The following CAMTA1 variants were observed in gnomAD, a reference collection of about 807,000 sequenced individuals.
CAMTA1 encodes the protein calmodulin-binding transcription activator 1.
Under a neutral mutation model 170.9 loss-of-function variants are expected in CAMTA1, and 27 were observed. That is an observed-to-expected ratio of 0.16 (90% CI 0.12 to 0.22). The LOEUF is 0.22. Among genes scored for constraint, CAMTA1 ranks in the 10% least tolerant of loss-of-function variants. The pLI, the probability that CAMTA1 is intolerant of heterozygous loss-of-function variation, is 1.00. For missense variants in CAMTA1, 1,619 were observed against 2,217.2 expected (o/e 0.73, Z 5.42); for synonymous variants, 833 against 891.5 (o/e 0.93, Z 1.17).
chr1:7,076,806 C>G (rs912247500), intron 3 of CAMTA1, among the ~76,000 whole-genome samples: 2 of 152,126 alleles, frequency 1.3e-5, no homozygotes, highest in Non-Finnish European at 2.9e-5. Flanking sequence ...ATGTTAAGGT[C>G]TTCTGAGACC....
intron 5 of CAMTA1, among the ~76,000 whole-genome samples, chr1:7,297,087 AT>A (rs1574500896): frequency 6.6e-6 from 1 of 152,232 alleles, no homozygotes; most frequent in East Asian, 1.9e-4. Context: ...AAATGTCCTA[AT>A]TTTGCAAAAA....
At chr1:7,385,065 C>T (rs2087776672) in intron 5 of CAMTA1, among the ~76,000 whole-genome samples, 2 of 150,742 alleles carry the variant, frequency 1.3e-5, no homozygotes, top group Non-Finnish European at 2.9e-5. Flanking sequence ...TCCTATGCCC[C>T]CTGCCCATCC....
At chr1:7,319,376 A>G (rs574716520) in intron 5 of CAMTA1, among the ~76,000 whole-genome samples, 32 of 152,232 alleles carry the variant, frequency 2.1e-4, no homozygotes, top group African/African-American at 7.2e-4. Context: ...GTGAGTTCTC[A>G]TGAGATCTGG....
intron 6 of CAMTA1, among the ~76,000 whole-genome samples, chr1:7,597,135 G>A (rs1046848945): frequency 6.6e-6 from 1 of 152,078 alleles, no homozygotes; most frequent in East Asian, 1.9e-4. Context: ...CAGTGGACAC[G>A]AGCCCACTGA....
chr1:6,882,190 G>C (rs986036608), intron 3 of CAMTA1, among the ~76,000 whole-genome samples: 2 of 152,116 alleles, frequency 1.3e-5, no homozygotes, highest in Non-Finnish European at 2.9e-5. Flanking sequence ...TCAGTGTCCA[G>C]TTCCAGTTCT....
At chr1:7,690,998 G>C (rs2096304397) in intron 11 of CAMTA1, among the ~76,000 whole-genome samples, 1 of 152,200 alleles carries the variant, frequency 6.6e-6, no homozygotes, top group Non-Finnish European at 1.5e-5. Context: ...ATGAGTATCA[G>C]AAGAAATGGA....
At chr1:7,152,412 C>A (rs1334976800) in intron 4 of CAMTA1, among the ~76,000 whole-genome samples, 1 of 152,222 alleles carries the variant, frequency 6.6e-6, no homozygotes, top group Non-Finnish European at 1.5e-5. Context: ...AAGCCCCCAA[C>A]CTTGGGCTCC....
chr1:7,753,272 T>C (rs1304964131), intron 21 of CAMTA1, among the ~76,000 whole-genome samples: 6 of 152,236 alleles, frequency 3.9e-5, no homozygotes, highest in African/African-American at 1.4e-4. Context: ...GCGTCTCTAC[T>C]TAGATTTCAG....
chr1:7,659,894 C>T lies in CAMTA1; in HGVS notation c.665-1832C>T, dbSNP rs552799246. The stretch of plus-strand genomic sequence containing the variant: ...TTCTCCAGGCAGGAACTACTATATG[C>T]CCACTTTACAAGTGAGGAAACTGAG... On this transcript the variant is annotated intron_variant, in intron 7 of 22. Transcript: ENST00000303635. 2.0e-5 allele frequency among the ~76,000 whole-genome samples: 3 copies of T among 152,314 alleles called. 1 individual carries two copies. The highest frequency in any genetic ancestry group is 4.1e-4 in the South Asian group (2 of 4,832).
chr1:7,610,167 G>A (rs145457895), intron 6 of CAMTA1, among the ~76,000 whole-genome samples: 1 of 152,336 alleles, frequency 6.6e-6, no homozygotes, highest in Non-Finnish European at 1.5e-5. Context: ...TCACATGGCA[G>A]TGGCAGCAGC....
At chr1:7,522,144 G>A (rs999955544) in intron 6 of CAMTA1, among the ~76,000 whole-genome samples, 3 of 152,130 alleles carry the variant, frequency 2.0e-5, no homozygotes, top group African/African-American at 7.2e-5. Flanking sequence ...TTTTTTCACG[G>A]CCTCACCAGC....
intron 5 of CAMTA1, among the ~76,000 whole-genome samples, chr1:7,337,748 A>G (rs753464710): frequency 6.6e-6 from 1 of 152,178 alleles, no homozygotes; most frequent in Non-Finnish European, 1.5e-5. Context: ...CCTTGAGAGC[A>G]GACCGAGGTT....
intron 6 of CAMTA1, among the ~76,000 whole-genome samples, chr1:7,544,977 C>T (rs1027574549): frequency 6.6e-6 from 1 of 152,160 alleles, no homozygotes; most frequent in East Asian, 1.9e-4. Context: ...CACATGGCCC[C>T]ACCCCCAACA....
At chr1:7,699,797 A>G (rs931241712) in intron 11 of CAMTA1, among the ~76,000 whole-genome samples, 47 of 152,150 alleles carry the variant, frequency 3.1e-4, no homozygotes, top group African/African-American at 1.1e-3. Context: ...GTTGAGCATT[A>G]TTGATTATTG....
intron 4 of CAMTA1, among the ~76,000 whole-genome samples, chr1:7,134,127 A>G (rs1645414234): frequency 6.6e-6 from 1 of 152,050 alleles, no homozygotes. Flanking sequence ...TTTAGCTCCC[A>G]CTTTTAAGTA....
At chr1:7,549,817 G>A (rs372548184) in intron 6 of CAMTA1, among the ~76,000 whole-genome samples, 19 of 152,182 alleles carry the variant, frequency 1.2e-4, no homozygotes, top group African/African-American at 4.3e-4. Flanking sequence ...GGGTGAGGGC[G>A]GGAGGGTTTC....
intron 4 of CAMTA1, among the ~76,000 whole-genome samples, chr1:7,100,462 G>A (rs76599691): frequency 3.1e-4 from 47 of 152,124 alleles, no homozygotes; most frequent in Non-Finnish European, 5.9e-4. Flanking sequence ...TCTCCTCTTC[G>A]TTTCCTGCTC....
At chr1:7,520,298 G>T (rs2094347648) in intron 6 of CAMTA1, among the ~76,000 whole-genome samples, 1 of 84,798 alleles carries the variant, frequency 1.2e-5, no homozygotes, top group South Asian at 4.8e-4. Flanking sequence ...CTCTGGTGAG[G>T]CTCTGGAGCC....
chr1:7,765,070 C>T (rs1487376403), intron 22 of CAMTA1, among the ~76,000 whole-genome samples: 1 of 152,106 alleles, frequency 6.6e-6, no homozygotes, highest in African/African-American at 2.4e-5. Context: ...AGCACCACGA[C>T]AAATCCACCT....
Sources: allele counts gnomAD v4.1 joint callset (sites outside exome capture counted in the v4.1 genomes callset), GRCh38; gene constraint gnomAD v4.1.1; transcripts MANE v1.5; gene names NCBI Gene and HGNC (gene_info 2026-07-23, HGNC 2026-07-21).